Variants in TBC1D15 observed in about 807,000 individuals in gnomAD.
The protein encoded by TBC1D15 is GAP for RAB7.
TBC1D15 carries 39 observed loss-of-function variants against 95.4 expected under a neutral mutation model. That is an observed-to-expected ratio of 0.41 (90% CI 0.32 to 0.53). The LOEUF is 0.53. Ranked by LOEUF, TBC1D15 falls within the 20% of genes least tolerant of loss-of-function variation. The probability of loss-of-function intolerance (pLI) is 0.29; values close to 1 mark genes in which losing one functional copy is unlikely to be tolerated. For missense variants in TBC1D15, 733 were observed against 794.3 expected, an observed-to-expected ratio of 0.92 and a Z score of 0.93; for synonymous variants, 258 against 261.3, an observed-to-expected ratio of 0.99 and a Z score of 0.12.
intron 14 of TBC1D15, among the ~76,000 whole-genome samples, chr12:71,920,410 C>T (rs901796156): frequency 1.3e-5 from 2 of 152,080 alleles, no homozygotes; most frequent in African/African-American, 4.8e-5. Context: ...TACATCTAAC[C>T]CTTACACCTT....
At chr12:71,916,984 TAAC>T (rs145338310) in intron 12 of TBC1D15, among the ~76,000 whole-genome samples, 4,162 of 152,256 alleles carry the variant, frequency 0.027, 185 homozygotes, top group African/African-American at 0.093. Context: ...ATTCATTAAA[TAAC>T]AACACATTCT....
intron 1 of TBC1D15, among the ~76,000 whole-genome samples, chr12:71,864,026 C>T (rs1890941094): frequency 6.7e-6 from 1 of 150,200 alleles, no homozygotes; most frequent in African/African-American, 2.4e-5. Flanking sequence ...TCACTAGGGT[C>T]TGCTACTAGA....
chr12:71,916,697 G>C (rs1056735910), intron 12 of TBC1D15, among the ~76,000 whole-genome samples: 5 of 152,142 alleles, frequency 3.3e-5, no homozygotes, highest in African/African-American at 9.7e-5. Flanking sequence ...CGGGACATAT[G>C]AGTTAAAGGG....
chr12:71,877,206 G>T (rs149199483), intron 3 of TBC1D15, among the ~76,000 whole-genome samples: 9,629 of 136,990 alleles, frequency 0.07, 382 homozygotes, highest in South Asian at 0.12. Flanking sequence ...GTGTGTGTGT[G>T]TGTGTTTTTT....
Position 71,884,911 on chromosome 12 carries a change from C to G in TBC1D15, c.444C>G (p.Ser148=). Reference sequence around the variant, plus strand: ...AAAACAAAGAGGGTATGGGCTGGTCCTATTTGGTATTCTGTCTAAAGGATG... The same window carrying G: ...AAAACAAAGAGGGTATGGGCTGGTCGTATTTGGTATTCTGTCTAAAGGATG... The part of the protein sequence containing the change: ...IKQNKEGMGW[S]YLVFCLKDDV... Residue 148 remains serine (S), a synonymous_variant, in exon 5 of 17, where the codon TCC becomes TCG. Transcript: ENST00000485960. 3 of 1,614,046 alleles carry G rather than the reference C, an allele frequency of 1.9e-6. No homozygotes were observed. The highest frequency in any genetic ancestry group is 2.5e-6 in the Non-Finnish European group (3 of 1,179,952).
intron 1 of TBC1D15, chr12:71,850,248 A>G: frequency 1.9e-6 from 1 of 538,856 alleles, no homozygotes; most frequent in Non-Finnish European, 3.6e-6. Flanking sequence ...TCCTTTCAAA[A>G]GAAGTAACAT....
At chr12:71,892,199 G>C (rs1897302208) in intron 5 of TBC1D15, among the ~76,000 whole-genome samples, 1 of 151,872 alleles carries the variant, frequency 6.6e-6, no homozygotes, top group Non-Finnish European at 1.5e-5. Context: ...CTTTTGAAAG[G>C]CCAAGGGGCT....
At chr12:71,919,800 T>A (rs922078369) in intron 14 of TBC1D15, among the ~76,000 whole-genome samples, 3 of 152,186 alleles carry the variant, frequency 2.0e-5, no homozygotes, top group African/African-American at 7.2e-5. Context: ...AAGGTCTGAT[T>A]GAAAAATTCA....
chr12:71,856,839 C>T (rs1415469757), intron 1 of TBC1D15, among the ~76,000 whole-genome samples: 1 of 152,128 alleles, frequency 6.6e-6, no homozygotes, highest in Non-Finnish European at 1.5e-5. Context: ...TCATTATGTA[C>T]TCTTTGGGCA....
chr12:71,850,179 A>C (rs1268977332), intron 1 of TBC1D15: 1 of 573,324 alleles, frequency 1.7e-6, no homozygotes, highest in Non-Finnish European at 3.4e-6. Context: ...TACTCATTAC[A>C]TAGTGAAATC....
intron 13 of TBC1D15, 91 bp downstream of exon 13, chr12:71,917,888 G>A (rs910609431): frequency 2.4e-6 from 2 of 817,236 alleles, no homozygotes; most frequent in Admixed American, 2.0e-5. Context: ...GCCAGGTGCA[G>A]TGGCTCATGC....
chr12:71,847,146 A>G (rs781611920), intron 1 of TBC1D15, among the ~76,000 whole-genome samples: 1 of 152,172 alleles, frequency 6.6e-6, no homozygotes, highest in African/African-American at 2.4e-5. Flanking sequence ...CCATGAACCC[A>G]TGAACACAAT....
chr12:71,881,590 T>A (rs1489203462), intron 4 of TBC1D15, among the ~76,000 whole-genome samples: 1 of 152,180 alleles, frequency 6.6e-6, no homozygotes, highest in African/African-American at 2.4e-5. Flanking sequence ...GTAATCCTGC[T>A]TATGGCTTGA....
chr12:71,892,525 T>C (rs1482361048), intron 5 of TBC1D15, among the ~76,000 whole-genome samples: 1 of 152,002 alleles, frequency 6.6e-6, no homozygotes, highest in Non-Finnish European at 1.5e-5. Flanking sequence ...AAATTAGATG[T>C]CTGTTTTGGA....
chr12:71,846,116 G>A (rs945850122), intron 1 of TBC1D15, among the ~76,000 whole-genome samples: 1 of 152,088 alleles, frequency 6.6e-6, no homozygotes, highest in African/African-American at 2.4e-5. Flanking sequence ...CTAAATTAGA[G>A]GTGAGAAAAT....
intron 16 of TBC1D15, among the ~76,000 whole-genome samples, 183 bp downstream of exon 16, chr12:71,921,637 G>A (rs1566087170): frequency 6.6e-6 from 1 of 152,160 alleles, no homozygotes; most frequent in Non-Finnish European, 1.5e-5. Flanking sequence ...GTTGACTATG[G>A]CAGATAGGAA....
rs143474636 is a variant in TBC1D15, at chr12:71,848,919, A to G, written c.30+9108A>G. On this transcript the variant is annotated intron_variant, in intron 1 of 16. Coordinates refer to ENST00000485960, the MANE Select transcript of TBC1D15 (RefSeq NM_001146213.3). ...TATGTATAAATTAAATAAAATCTAT[A>G]CAACTGTCTGTTCTTCTGTTGCCTC... is the stretch of plus-strand genomic sequence containing the variant. Among the ~76,000 whole-genome samples, 846 of 152,262 alleles carry G rather than the reference A, an allele frequency of 5.6e-3. 8 individuals carry two copies. The highest frequency in any genetic ancestry group is 0.02 in the African/African-American group (812 of 41,540).
intron 7 of TBC1D15, among the ~76,000 whole-genome samples, chr12:71,895,484 G>A (rs528110472): frequency 3.9e-5 from 6 of 151,970 alleles, no homozygotes; most frequent in Non-Finnish European, 5.9e-5. Flanking sequence ...AGAAAATGCC[G>A]AGTGAAGCTA....
chr12:71,861,587 T>C (rs1890378938), intron 1 of TBC1D15: 2 of 1,221,704 alleles, frequency 1.6e-6, no homozygotes, highest in East Asian at 5.7e-5. Flanking sequence ...GTCTTTTCAC[T>C]TTTTTTCTTG....
Sources: gnomAD v4.1 joint callset for allele counts (sites outside exome capture counted in the v4.1 genomes callset) on GRCh38, gnomAD v4.1.1 for gene constraint, MANE v1.5 for transcripts, NCBI Gene and HGNC (gene_info 2026-07-23, HGNC 2026-07-21) for gene names.